The following CDKAL1 variants were observed in gnomAD, a reference collection of about 807,000 sequenced individuals.
The protein encoded by CDKAL1 is CDKAL1 threonylcarbamoyladenosine tRNA methylthiotransferase.
A neutral mutation model predicts 68.2 loss-of-function variants in CDKAL1; 32 were observed. The ratio of observed to expected loss-of-function variants is 0.47; its 90% CI spans 0.35 to 0.63. The LOEUF (loss-of-function observed/expected upper bound fraction) is 0.63. Among genes scored for constraint, CDKAL1 ranks in the 30% least tolerant of loss-of-function variants. The pLI, the probability that CDKAL1 is intolerant of heterozygous loss-of-function variation, is 0.00. For missense variants in CDKAL1, 606 were observed against 696.7 expected, an observed-to-expected ratio of 0.87 and a Z score of 1.47; for synonymous variants, 234 against 244.3, an observed-to-expected ratio of 0.96 and a Z score of 0.39.
intron 13 of CDKAL1, among the ~76,000 whole-genome samples, chr6:21,189,494 A>AT (rs1374541180): frequency 2.4e-4 from 37 of 152,226 alleles, no homozygotes; most frequent in African/African-American, 8.7e-4. Flanking sequence ...TTTTCAAATA[A>AT]TCTAATGAAT....
chr6:21,032,539 A>G (rs997394832), intron 11 of CDKAL1, among the ~76,000 whole-genome samples: 1 of 152,216 alleles, frequency 6.6e-6, no homozygotes, highest in African/African-American at 2.4e-5. Context: ...CTTTTTATAT[A>G]AAGTAATGTG....
At chr6:20,957,293 A>G (rs998121128) in intron 10 of CDKAL1, among the ~76,000 whole-genome samples, 2 of 152,228 alleles carry the variant, frequency 1.3e-5, no homozygotes, top group African/African-American at 4.8e-5. Flanking sequence ...CTCTGAGGTA[A>G]CTAACCAAAT....
In CDKAL1 at chr6:20,649,528, C is replaced by G. The variant is rs1768649672; in HGVS notation, c.371+151C>G. The G allele has an allele frequency of 5.7e-6, 3 of 524,850 alleles. No individual in the cohort carries two copies. The Admixed American group carries it at 1.1e-4, about 20-fold the overall frequency. The allele number at this position is 524,850 out of a possible 1,614,324, so 32.5% of individuals were successfully genotyped here. Reference sequence around the variant, plus strand: ...TAAGATTATACTATTTTGAATTTGTCTGATACAGAATGATGCTTTTTTTAT... The same window carrying G: ...TAAGATTATACTATTTTGAATTTGTGTGATACAGAATGATGCTTTTTTTAT... On this transcript the variant is annotated intron_variant, in intron 5 of 15. Transcript: ENST00000274695.
intron 9 of CDKAL1, among the ~76,000 whole-genome samples, chr6:20,879,655 G>T (rs1760713839): frequency 2.0e-5 from 3 of 152,100 alleles, no homozygotes; most frequent in Non-Finnish European, 4.4e-5. Flanking sequence ...TTTCTTTCCT[G>T]TCCTTGCTGG....
rs149616557 is a variant in CDKAL1 at position 21,188,385 on chromosome 6, T to G, written c.1300-9636T>G. Reference sequence around the variant, plus strand: ...CAAATAAAATTGTATCTATTTAAGATGCACAACCTACTTTTATGAGTAGGT... The same window carrying G: ...CAAATAAAATTGTATCTATTTAAGAGGCACAACCTACTTTTATGAGTAGGT... On this transcript the variant is annotated intron_variant, in intron 13 of 15. Transcript: ENST00000274695. Among the ~76,000 whole-genome samples the G allele has an allele frequency of 3.3e-5, 5 of 152,236 alleles. No homozygotes were observed. The South Asian group carries it at 1.0e-3, about 31-fold the overall frequency.
chr6:21,038,681 T>G (rs1769732731), intron 11 of CDKAL1, among the ~76,000 whole-genome samples: 1 of 152,176 alleles, frequency 6.6e-6, no homozygotes, highest in East Asian at 1.9e-4. Flanking sequence ...AGTTTTTTTG[T>G]GATTTTTTTT....
chr6:20,568,891 T>A (rs1411118514), intron 4 of CDKAL1, among the ~76,000 whole-genome samples: 1 of 152,184 alleles, frequency 6.6e-6, no homozygotes, highest in Non-Finnish European at 1.5e-5. Context: ...TGTCTTTATT[T>A]CTTCTTGTAG....
intron 10 of CDKAL1, among the ~76,000 whole-genome samples, chr6:20,966,109 T>C (rs535520322): frequency 6.6e-6 from 1 of 151,954 alleles, no homozygotes; most frequent in South Asian, 2.1e-4. Flanking sequence ...ACGGGGGTAA[T>C]GAAGTTAATG....
At chr6:20,633,325 A>C (rs139660679) in intron 4 of CDKAL1, among the ~76,000 whole-genome samples, 12 of 152,294 alleles carry the variant, frequency 7.9e-5, no homozygotes, top group African/African-American at 2.9e-4. Context: ...TTTCACTTAC[A>C]TAATGTTTTC....
At chr6:20,799,040 GTTTTTTTT>G (rs754008816) in intron 8 of CDKAL1, among the ~76,000 whole-genome samples, 19 of 47,506 alleles carry the variant, frequency 4.0e-4, no homozygotes, top group Admixed American at 2.4e-3. Context: ...AAAGAACTGA[GTTTTTTTT>G]TTTTTTTTTT....
chr6:21,085,327 C>G (rs918375307), intron 12 of CDKAL1, among the ~76,000 whole-genome samples: 2 of 152,136 alleles, frequency 1.3e-5, no homozygotes, highest in Non-Finnish European at 2.9e-5. Context: ...ATTGAGTAAG[C>G]TTCTACTACA....
At chr6:21,225,024 T>C (rs1360340746) in intron 15 of CDKAL1, among the ~76,000 whole-genome samples, 2 of 152,148 alleles carry the variant, frequency 1.3e-5, no homozygotes, top group Non-Finnish European at 2.9e-5. Context: ...CAGCTAACAC[T>C]GGCCCCTCCT....
intron 12 of CDKAL1, among the ~76,000 whole-genome samples, chr6:21,078,512 G>C (rs1324916547): frequency 6.6e-6 from 1 of 152,078 alleles, no homozygotes; most frequent in African/African-American, 2.4e-5. Flanking sequence ...TTGTCATTCT[G>C]CACATCAGGA....
intron 8 of CDKAL1, among the ~76,000 whole-genome samples, chr6:20,813,771 ACT>A (rs1776920589): frequency 6.6e-6 from 1 of 151,608 alleles, no homozygotes; most frequent in Admixed American, 6.6e-5. Flanking sequence ...CTATTTCTGA[ACT>A]CTCTGTTCTG....
chr6:20,611,897 C>T (rs950011354), intron 4 of CDKAL1, among the ~76,000 whole-genome samples: 1 of 152,160 alleles, frequency 6.6e-6, no homozygotes, highest in Non-Finnish European at 1.5e-5. Flanking sequence ...CGTTATCCCT[C>T]CTAGTCCTTG....
chr6:20,668,722 AT>A (rs1769668731), intron 5 of CDKAL1, among the ~76,000 whole-genome samples: 1 of 152,170 alleles, frequency 6.6e-6, no homozygotes, highest in Admixed American at 6.5e-5. Flanking sequence ...CTTAATTCAC[AT>A]TTTGTCTTTT....
chr6:20,705,445 C>T (rs1771552305), intron 5 of CDKAL1, among the ~76,000 whole-genome samples: 3 of 152,208 alleles, frequency 2.0e-5, no homozygotes, highest in Non-Finnish European at 4.4e-5. Flanking sequence ...GCATCAATCA[C>T]AACTATTATT....
chr6:20,646,677 T>C (rs778166577), intron 4 of CDKAL1, among the ~76,000 whole-genome samples: 7 of 152,218 alleles, frequency 4.6e-5, no homozygotes, highest in Admixed American at 6.5e-5. Flanking sequence ...GGTAGAAGAA[T>C]GTGCCAGGAT....
intron 7 of CDKAL1, among the ~76,000 whole-genome samples, chr6:20,780,197 G>A (rs1434909355): frequency 6.6e-6 from 1 of 151,478 alleles, no homozygotes; most frequent in Non-Finnish European, 1.5e-5. Context: ...AATCTGAAGG[G>A]TATGGGATTT....
Sources: gnomAD v4.1 joint callset for allele counts (sites outside exome capture counted in the v4.1 genomes callset) on GRCh38, gnomAD v4.1.1 for gene constraint, MANE v1.5 for transcripts, NCBI Gene and HGNC (gene_info 2026-07-23, HGNC 2026-07-21) for gene names.